EPAS1: variants seen among roughly 807,000 people sequenced by gnomAD.
EPAS1 encodes endothelial PAS domain-containing protein 1.
Under a neutral mutation model 87.9 loss-of-function variants are expected in EPAS1, and 23 were observed. The ratio of observed to expected loss-of-function variants is 0.26; its 90% CI spans 0.19 to 0.37. The LOEUF is 0.37. EPAS1 is among the 10% of genes least tolerant of loss of function. The pLI is 1.00. For synonymous variants in EPAS1, 508 were observed against 444.3 expected (o/e 1.14, Z -1.80); for missense variants, 1,138 against 1,120.7 (o/e 1.02, Z -0.22).
rs772459075 is a variant in EPAS1 at position 46,382,561 on chromosome 2, C to A, written c.2424C>A (p.Tyr808Ter). The part of the protein sequence containing the change: ...RFPPQCYATQ[Y>*]QDYSLSSAHK... Reference sequence around the variant, plus strand: ...CCCCACAGTGCTACGCCACCCAGTACCAGGACTACAGCCTGTCGTCAGCCC... The same window carrying A: ...CCCCACAGTGCTACGCCACCCAGTAACAGGACTACAGCCTGTCGTCAGCCC... Residue 808 changes from tyrosine (Y) to a stop codon, truncating the protein, a stop_gained, in exon 15 of 16, where the codon TAC becomes TAA. Coordinates refer to ENST00000263734, the MANE Select transcript of EPAS1 (RefSeq NM_001430.5). LOFTEE classifies it high-confidence loss of function. The A allele has an allele frequency of 1.2e-6, 2 of 1,614,138 alleles. No homozygotes were observed. Among genetic ancestry groups the A allele is most frequent in the South Asian group, 2.2e-5 (2 of 91,086 alleles).
rs1684359206 is a variant in EPAS1 at position 46,360,176 on chromosome 2, G to GA, written c.455-459dup. Among the ~76,000 whole-genome samples the GA allele has an allele frequency of 6.6e-6, 1 of 152,228 alleles. No homozygotes were observed. The highest frequency in any genetic ancestry group is 6.5e-5 in the Admixed American group (1 of 15,280). On this transcript the variant is annotated intron_variant, in intron 4 of 15. Transcript: ENST00000263734. This position sits in a 1 kb window ranked among gnomAD's most constrained non-coding sequence, Gnocchi z 4.5. ...TCCTCCTGAGAGACAGGTTATAAAG[G>GA]AAAGACGGGAGTGTCGGAGAGACAT... is the stretch of plus-strand genomic sequence containing the variant.
At chr2:46,362,814 G>A (rs1684420234) in intron 6 of EPAS1, among the ~76,000 whole-genome samples, 1 of 152,200 alleles carries the variant, frequency 6.6e-6, no homozygotes, top group South Asian at 2.1e-4. Flanking sequence ...ACCACAGTAG[G>A]GCCAGGATTC....
chr2:46,376,793 T>A, intron 9 of EPAS1, 40 bp downstream of exon 9: 8 of 1,602,990 alleles, frequency 5.0e-6, no homozygotes, highest in Non-Finnish European at 6.8e-6. Context: ...TGGAACCCCG[T>A]TGGGGCTGGG....
In EPAS1 at chr2:46,385,924, G is replaced by T. The variant is rs1187214455; in HGVS notation, c.*1264G>T. 6.6e-6 allele frequency: 1 copy of T among 152,382 alleles called. No individual in the cohort carries two copies. The highest frequency in any genetic ancestry group is 1.5e-5 in the Non-Finnish European group (1 of 68,050). 9.4% of individuals were successfully genotyped at this position (152,382 alleles called of 1,614,324 possible). A position where few individuals can be genotyped will look rare whatever the true frequency, so the allele number is the denominator to read the frequency against. ...AATGAGGGGTCAAAAATGGTATAGT[G>T]ACCCCGTCCACGTCCTCCAAGCTCA... On this transcript the variant is annotated 3_prime_UTR_variant, in exon 16 of 16. Transcript: ENST00000263734.
intron 1 of EPAS1, among the ~76,000 whole-genome samples, chr2:46,326,019 G>T (rs556598662): frequency 2.6e-5 from 4 of 152,188 alleles, no homozygotes; most frequent in Non-Finnish European, 5.9e-5. Context: ...AATAGCATGG[G>T]TGCTATTTTG....
chr2:46,385,187 GTTTT>G lies in EPAS1; in HGVS notation c.*537_*540del, dbSNP rs75932330. 4 of 149,830 alleles carry G rather than the reference GTTTT, an allele frequency of 2.7e-5. No individual in the cohort carries two copies. Among genetic ancestry groups the G allele is most frequent in the Non-Finnish European group, 4.4e-5 (3 of 67,740 alleles). 9.3% of individuals were successfully genotyped at this position (149,830 alleles called of 1,614,324 possible). A position where few individuals can be genotyped will look rare whatever the true frequency, so the allele number is the denominator to read the frequency against. ...TAATCACCATATTGTAAATTTCAGGGTTTTTTTTTTTTTGTTTAAGCTGACTCTT... is the reference window on the plus strand; with the variant it reads ...TAATCACCATATTGTAAATTTCAGGGTTTTTTTTTGTTTAAGCTGACTCTT... On this transcript the variant is annotated 3_prime_UTR_variant, in exon 16 of 16. Coordinates refer to ENST00000263734, the MANE Select transcript of EPAS1 (RefSeq NM_001430.5).
At chr2:46,332,619 A>T (rs1254987943) in intron 1 of EPAS1, among the ~76,000 whole-genome samples, 1 of 152,152 alleles carries the variant, frequency 6.6e-6, no homozygotes, top group Non-Finnish European at 1.5e-5. Context: ...CTTTAGCCCC[A>T]CTTGCTGATC....
intron 9 of EPAS1, among the ~76,000 whole-genome samples, chr2:46,377,585 C>T (rs1684783706): frequency 6.6e-6 from 1 of 152,256 alleles, no homozygotes; most frequent in South Asian, 2.1e-4. Context: ...ATTCTCCTCT[C>T]CCTCTCATAC....
intron 1 of EPAS1, among the ~76,000 whole-genome samples, chr2:46,339,805 G>A (rs1018615841): frequency 6.6e-6 from 1 of 152,206 alleles, no homozygotes; most frequent in Non-Finnish European, 1.5e-5. Context: ...TGTCTGGTAA[G>A]GGCCCACTTT....
Position 46,375,615 on chromosome 2 carries a change from C to T in EPAS1, c.887-75C>T. ...TCCCCTGCAGATTAGACTGCCCTCCCATGCGATCTGCTGAGCCTGTGGTGC... is the reference window on the plus strand; with the variant it reads ...TCCCCTGCAGATTAGACTGCCCTCCTATGCGATCTGCTGAGCCTGTGGTGC... On this transcript the variant is annotated intron_variant, in intron 7 of 15. Coordinates refer to ENST00000263734, the MANE Select transcript of EPAS1 (RefSeq NM_001430.5). This position sits in a 1 kb window ranked among gnomAD's most constrained non-coding sequence, Gnocchi z 4.1. 1 of 1,547,644 alleles carries T rather than the reference C, an allele frequency of 6.5e-7. No homozygotes were observed. The highest frequency in any genetic ancestry group is 8.8e-7 in the Non-Finnish European group (1 of 1,138,334).
intron 1 of EPAS1, chr2:46,336,014 G>C (rs905555478): frequency 6.6e-6 from 1 of 152,136 alleles, no homozygotes; most frequent in Admixed American, 6.5e-5. Flanking sequence ...GAGCCTTCCC[G>C]ATGCTTTAAC....
At chr2:46,381,903 A>AC in intron 13 of EPAS1, 72 bp from the exon 14 acceptor site, 31 of 292,278 alleles carry the variant, frequency 1.1e-4, no homozygotes, top group South Asian at 2.5e-4. Context: ...TTCCAGGCCC[A>AC]CCCAACCCAC....
intron 4 of EPAS1, among the ~76,000 whole-genome samples, chr2:46,359,008 C>T (rs1264030129): frequency 6.6e-6 from 1 of 152,020 alleles, no homozygotes; most frequent in Admixed American, 6.6e-5. Flanking sequence ...CGCCTGTAAT[C>T]CCAGGACTTT....
rs556957110 is a variant in EPAS1, at chr2:46,332,753, C to T, written c.27-14120C>T. 5.2e-5 allele frequency among the ~76,000 whole-genome samples: 7 copies of T among 135,306 alleles called. No homozygotes were observed. In the South Asian group the frequency reaches 1.5e-3, roughly 28 times the overall value. 88.8% of individuals were successfully genotyped at this position (135,306 alleles called of 152,430 possible). ...ATGTTATATCACCAGAAGGGTGGAA[C>T]CCTGGCCAAGCCCTGGCATCCTCTG... On this transcript the variant is annotated intron_variant, in intron 1 of 15. Coordinates refer to ENST00000263734, the MANE Select transcript of EPAS1 (RefSeq NM_001430.5).
chr2:46,315,093 T>C (rs753973175), intron 1 of EPAS1, among the ~76,000 whole-genome samples: 25 of 152,318 alleles, frequency 1.6e-4, no homozygotes, highest in Admixed American at 3.9e-4. Flanking sequence ...GCCAGTTGGA[T>C]TGGGGCTTCC....
intron 2 of EPAS1, among the ~76,000 whole-genome samples, chr2:46,349,126 G>A (rs547999641): frequency 6.6e-6 from 1 of 152,194 alleles, no homozygotes; most frequent in Non-Finnish European, 1.5e-5. Context: ...GACAAGGGCT[G>A]GGGTATGGGG....
At chr2:46,298,652 G>T (rs1682935065) in intron 1 of EPAS1, among the ~76,000 whole-genome samples, 1 of 152,250 alleles carries the variant, frequency 6.6e-6, no homozygotes, top group Non-Finnish European at 1.5e-5. Context: ...GGCAGGTCCG[G>T]GTGTCTGTCT....
At chr2:46,314,105 C>A (rs1046439410) in intron 1 of EPAS1, among the ~76,000 whole-genome samples, 2 of 152,178 alleles carry the variant, frequency 1.3e-5, no homozygotes, top group African/African-American at 4.8e-5. Context: ...GAACAGCTCC[C>A]AGACCCAGAC....
chr2:46,332,952 G>T (rs532258443), intron 1 of EPAS1, among the ~76,000 whole-genome samples: 15 of 152,292 alleles, frequency 9.8e-5, no homozygotes, highest in African/African-American at 3.6e-4. Flanking sequence ...CCCTTGTCCG[G>T]ACTTGTTCAC....
Sources: gnomAD v4.1 joint callset for allele counts (sites outside exome capture counted in the v4.1 genomes callset) on GRCh38, gnomAD v4.1.1 for gene constraint, Gnocchi (gnomAD v3.1) non-coding constraint, MANE v1.5 for transcripts, NCBI Gene and HGNC (gene_info 2026-07-23, HGNC 2026-07-21) for gene names.